Variants in PRKAA2 observed in about 807,000 individuals in gnomAD.
PRKAA2 encodes the protein protein kinase AMP-activated catalytic subunit alpha 2.
In PRKAA2, 40 loss-of-function variants were observed where a neutral mutation model predicts 56.3. The ratio of observed to expected loss-of-function variants is 0.71; its 90% CI spans 0.55 to 0.92. PRKAA2 has a LOEUF of 0.92. Among genes scored for constraint, PRKAA2 ranks in the 40% least tolerant of loss-of-function variants. The probability of loss-of-function intolerance (pLI) is 0.00; values close to 1 mark genes in which losing one functional copy is unlikely to be tolerated. For synonymous variants in PRKAA2, 214 were observed against 234.2 expected, an observed-to-expected ratio of 0.91 and a Z score of 0.79; for missense variants, 542 against 686.9, an observed-to-expected ratio of 0.79 and a Z score of 2.36.
At chr1:56,665,219 G>C (rs1569729526) in intron 1 of PRKAA2, among the ~76,000 whole-genome samples, 1 of 151,810 alleles carries the variant, frequency 6.6e-6, no homozygotes, top group African/African-American at 2.4e-5. Flanking sequence ...GATTACAGGT[G>C]CCCACCGCCA....
In PRKAA2 at chr1:56,678,727, G is replaced by A. The variant is rs567685381; in HGVS notation, c.236+4205G>A. ...TTTTTTTTTTTTGAGACAAAGTCTC[G>A]CTCTGTTGCCCAGGCTGGAGTGCAG... On this transcript the variant is annotated intron_variant, in intron 2 of 8. Coordinates refer to ENST00000371244, the MANE Select transcript of PRKAA2 (RefSeq NM_006252.4). 2.3e-3 allele frequency among the ~76,000 whole-genome samples: 328 copies of A among 140,068 alleles called. 2 individuals are homozygous for A. The highest frequency in any genetic ancestry group is 3.9e-3 in the Non-Finnish European group (259 of 66,126). 91.9% of individuals were successfully genotyped at this position (140,068 alleles called of 152,430 possible).
intron 1 of PRKAA2, 104 bp from the exon 2 acceptor site, chr1:56,674,277 A>G: frequency 4.3e-6 from 4 of 920,832 alleles, no homozygotes; most frequent in Non-Finnish European, 6.2e-6. Flanking sequence ...GGATATAAAG[A>G]TGGTATATAT....
chr1:56,658,833 G>A (rs905376636), intron 1 of PRKAA2, among the ~76,000 whole-genome samples: 4 of 151,580 alleles, frequency 2.6e-5, no homozygotes, highest in Non-Finnish European at 5.9e-5. Context: ...TCTGTCTCCC[G>A]GGCTCAAGCA....
chr1:56,701,621 G>T (rs1169430317), intron 6 of PRKAA2, among the ~76,000 whole-genome samples: 1 of 152,156 alleles, frequency 6.6e-6, no homozygotes, highest in Non-Finnish European at 1.5e-5. Flanking sequence ...TTGTCGCCGG[G>T]CGCGGTGGCT....
At position 56,706,102 on chromosome 1, in the gene PRKAA2, C is replaced by T; in HGVS notation, c.1304C>T (p.Ala435Val). 2 of 1,609,334 alleles carry T rather than the reference C, an allele frequency of 1.2e-6. No individual in the cohort carries two copies. The highest frequency in any genetic ancestry group is 1.7e-6 in the Non-Finnish European group (2 of 1,176,114). Reference sequence around the variant, plus strand: ...GATTTTTCACTTTAGGTAGTGAATGCATACCATCTTCGTGTAAGAAGAAAA... The same window carrying T: ...GATTTTTCACTTTAGGTAGTGAATGTATACCATCTTCGTGTAAGAAGAAAA... ...QLDFEWKVVN[A>V]YHLRVRRKNP... The change falls in exon 8 of 9, where the codon GCA becomes GTA. Residue 435 changes from alanine (A) to valine (V), a missense_variant. Coordinates refer to ENST00000371244, the MANE Select transcript of PRKAA2 (RefSeq NM_006252.4).
rs191315073 is a variant in PRKAA2 at position 56,646,985 on chromosome 1, T to A, written c.94+1504T>A. 2.0e-5 allele frequency among the ~76,000 whole-genome samples: 3 copies of A among 152,302 alleles called. No homozygotes were observed. The East Asian group carries it at 5.8e-4, about 29-fold the overall frequency. On this transcript the variant is annotated intron_variant, in intron 1 of 8. Coordinates refer to ENST00000371244, the MANE Select transcript of PRKAA2 (RefSeq NM_006252.4). ...TATATATGTAAAAGGTATGTTTAAT[T>A]TTATTGAGAAAAACGAATCAGGGAA...
intron 6 of PRKAA2, among the ~76,000 whole-genome samples, chr1:56,697,898 A>C (rs941060663): frequency 3.7e-4 from 56 of 152,006 alleles, no homozygotes; most frequent in African/African-American, 1.4e-3. Flanking sequence ...AAAAATGTAA[A>C]TATATTTACT....
intron 4 of PRKAA2, 128 bp from the exon 5 acceptor site, chr1:56,693,636 CT>C (rs35868724): frequency 4.0e-5 from 22 of 551,754 alleles, no homozygotes; most frequent in African/African-American, 1.2e-4. Context: ...CTTTCCACTG[CT>C]TTTTTTTAAT....
At chr1:56,658,349 AAGG>A (rs1350472976) in intron 1 of PRKAA2, among the ~76,000 whole-genome samples, 1 of 152,196 alleles carries the variant, frequency 6.6e-6, no homozygotes, top group Non-Finnish European at 1.5e-5. Flanking sequence ...GACGAGTAAG[AAGG>A]AGATGAAGCA....
At chr1:56,650,671 AATATGTTTACCC>A (rs1174978752) in intron 1 of PRKAA2, among the ~76,000 whole-genome samples, 2 of 152,214 alleles carry the variant, frequency 1.3e-5, no homozygotes, top group African/African-American at 4.8e-5. Context: ...TTACTCCAGA[AATATGTTTACCC>A]ATATGTGGTT....
At position 56,711,688 on chromosome 1, in the gene PRKAA2, G is replaced by A. The variant is rs1004161252; in HGVS notation, c.*3975G>A. On this transcript the variant is annotated 3_prime_UTR_variant, in exon 9 of 9. Transcript: ENST00000371244. ...AAAGACTCTATTAAAAACTCTGGACGAGGGATATGTGCAATCTGTTGGTAA... is the reference window on the plus strand; with the variant it reads ...AAAGACTCTATTAAAAACTCTGGACAAGGGATATGTGCAATCTGTTGGTAA... 1 of 152,090 alleles carries A rather than the reference G, an allele frequency of 6.6e-6. No individual in the cohort carries two copies. The highest frequency in any genetic ancestry group is 1.9e-4 in the East Asian group (1 of 5,192). The allele number at this position is 152,090 out of a possible 1,614,324, so 9.4% of individuals were successfully genotyped here. A position where few individuals can be genotyped will look rare whatever the true frequency, so the allele number is the denominator to read the frequency against.
intron 1 of PRKAA2, among the ~76,000 whole-genome samples, chr1:56,657,730 G>A (rs549253140): frequency 1.1e-4 from 17 of 151,902 alleles, no homozygotes; most frequent in Admixed American, 3.3e-4. Context: ...GCAAGACTCC[G>A]TCTCAAAATA....
chr1:56,657,973 G>A (rs889903440), intron 1 of PRKAA2, among the ~76,000 whole-genome samples: 6 of 152,106 alleles, frequency 3.9e-5, no homozygotes, highest in African/African-American at 7.2e-5. Flanking sequence ...AATATCTTGC[G>A]AGACTGAGAA....
chr1:56,686,081 A>G (rs1267826819), intron 2 of PRKAA2, among the ~76,000 whole-genome samples: 1 of 152,252 alleles, frequency 6.6e-6, no homozygotes, highest in African/African-American at 2.4e-5. Flanking sequence ...TACAAAGTTA[A>G]TAACCAAGAC....
intron 1 of PRKAA2, among the ~76,000 whole-genome samples, chr1:56,668,383 G>T (rs967896317): frequency 6.8e-6 from 1 of 147,408 alleles, no homozygotes. Context: ...CCTGCACATT[G>T]TGCACATGTA....
intron 2 of PRKAA2, among the ~76,000 whole-genome samples, chr1:56,677,850 T>C (rs897931854): frequency 1.3e-4 from 20 of 152,106 alleles, no homozygotes; most frequent in African/African-American, 4.8e-4. Context: ...GAGACAGGCT[T>C]TCCGCCATTT....
At chr1:56,674,231 A>C in intron 1 of PRKAA2, 150 bp from the exon 2 acceptor site, 1 of 555,648 alleles carries the variant, frequency 1.8e-6, no homozygotes, top group Non-Finnish European at 2.9e-6. Context: ...AATAGAAGAA[A>C]TAGAAGTAAA....
chr1:56,656,074 TAAAG>T (rs1334297766), intron 1 of PRKAA2, among the ~76,000 whole-genome samples: 1 of 152,160 alleles, frequency 6.6e-6, no homozygotes, highest in East Asian at 1.9e-4. Flanking sequence ...TCTATAAAAA[TAAAG>T]GAAATTCTAG....
intron 6 of PRKAA2, among the ~76,000 whole-genome samples, chr1:56,697,012 A>ATTTTTTTTTTTTTTTT (rs752842791): frequency 0.33 from 19,221 of 57,620 alleles, 7,200 homozygotes; most frequent in Admixed American, 0.48. Flanking sequence ...CCAGCAAAGA[A>ATTTTTTTTTTTTTTTT]TTTTTTTTTT....
Sources: gnomAD v4.1 joint callset for allele counts (sites outside exome capture counted in the v4.1 genomes callset) on GRCh38, gnomAD v4.1.1 for gene constraint, MANE v1.5 for transcripts, NCBI Gene and HGNC (gene_info 2026-07-23, HGNC 2026-07-21) for gene names.